The following SYNPO2 variants were observed in gnomAD, a reference collection of about 807,000 sequenced individuals.
The protein encoded by SYNPO2 is synaptopodin 2.
In SYNPO2, 56 loss-of-function variants were observed where a neutral mutation model predicts 85.0. The ratio of observed to expected loss-of-function variants is 0.66; its 90% confidence interval spans 0.53 to 0.82. The LOEUF (loss-of-function observed/expected upper bound fraction) is 0.82, where lower values mean the gene tolerates loss of function less well. Ranked by LOEUF, SYNPO2 falls within the 40% of genes least tolerant of loss-of-function variation. The pLI is 0.00. For missense variants in SYNPO2, 1,575 were observed against 1,534.2 expected (o/e 1.03, Z -0.44); for synonymous variants, 602 against 591.1 (o/e 1.02, Z -0.27).
rs1578655154 is a variant in SYNPO2, at chr4:119,026,650, C to G, written c.281C>G (p.Ala94Gly). 6.2e-7 allele frequency: 1 copy of G among 1,609,138 alleles called. No homozygotes were observed. The highest frequency in any genetic ancestry group is 1.7e-4 in the Middle Eastern group (1 of 6,024). ...AGACCATCCAGTGGAATAAGTGAGG[C>G]TTTGATATCTGAAAATGAAAACAAA... The part of the protein sequence containing the change: ...IKRPSSGISE[A>G]LISENENKNL... Residue 94 changes from alanine to glycine, a missense_variant, in exon 3 of 5, where the codon GCT becomes GGT. Physicochemically the swap from Ala to Gly is moderately conservative, Grantham distance 60. Around this residue, in one of 3 missense-constraint regions of SYNPO2, gnomAD observed 1,508 missense variants for 1,446.8 expected, o/e 1.04. Transcript: ENST00000307142.
intron 4 of SYNPO2, chr4:119,036,960 G>T (rs1473875216): frequency 5.6e-6 from 7 of 1,255,258 alleles, no homozygotes; most frequent in Non-Finnish European, 7.0e-6. Flanking sequence ...ACTCCTACAG[G>T]GTCCTAGAGT....
intron 1 of SYNPO2, among the ~76,000 whole-genome samples, chr4:118,876,192 C>G (rs949948382): frequency 5.3e-5 from 8 of 152,134 alleles, no homozygotes; most frequent in Admixed American, 5.2e-4. Context: ...TTAAATTGTT[C>G]TCTGGTAATA....
chr4:119,046,727 A>G (rs1561026587), intron 4 of SYNPO2, among the ~76,000 whole-genome samples: 1 of 152,230 alleles, frequency 6.6e-6, no homozygotes, highest in Non-Finnish European at 1.5e-5. Flanking sequence ...TAAGGAAAAT[A>G]AGACTGGGAG....
chr4:118,893,445 G>C (rs1464199197), intron 1 of SYNPO2, among the ~76,000 whole-genome samples: 1 of 152,052 alleles, frequency 6.6e-6, no homozygotes, highest in East Asian at 1.9e-4. Flanking sequence ...TAAACAGTAG[G>C]TATGAAAAAA....
At chr4:118,892,504 T>A (rs1481376543) in intron 1 of SYNPO2, among the ~76,000 whole-genome samples, 1 of 152,176 alleles carries the variant, frequency 6.6e-6, no homozygotes, top group Non-Finnish European at 1.5e-5. Flanking sequence ...GCACTTCTTC[T>A]TTATGAAACT....
intron 1 of SYNPO2, among the ~76,000 whole-genome samples, chr4:118,928,473 GA>G (rs35936822): frequency 8.1e-5 from 12 of 147,864 alleles, no homozygotes; most frequent in South Asian, 4.3e-4. Context: ...TCCATGCAAG[GA>G]AAAAAAAAAC....
rs1732265167 is a variant in SYNPO2 at position 118,888,878 on chromosome 4, G to C, written c.-159G>C. On this transcript the variant is annotated 5_prime_UTR_variant, in exon 1 of 5. Coordinates refer to ENST00000307142, the MANE Select transcript of SYNPO2 (RefSeq NM_133477.3). ...CGCACAAATTCGCAGCAGGCGGCTGGGGCGGCGGCTGGGGCAGCGGCTGCA... is the reference window on the plus strand; with the variant it reads ...CGCACAAATTCGCAGCAGGCGGCTGCGGCGGCGGCTGGGGCAGCGGCTGCA... The C allele has an allele frequency of 4.2e-6, 3 of 721,842 alleles. No homozygotes were observed. The African/African-American group carries it at 5.4e-5, about 13-fold the overall frequency. The allele number at this position is 721,842 out of a possible 1,614,324, so 44.7% of individuals were successfully genotyped here.
chr4:119,030,247 G>C lies in SYNPO2; in HGVS notation c.1472G>C (p.Gly491Ala). The C allele has an allele frequency of 6.2e-7, 1 of 1,614,006 alleles. No individual in the cohort carries two copies. The highest frequency in any genetic ancestry group is 8.5e-7 in the Non-Finnish European group (1 of 1,179,974). ...ATGTTACCAGACACCACAGGCAAGG[G>C]AGCCCTCATGTTTGCCAAGAGGAGG... ...MEMLPDTTGK[G>A]ALMFAKRRER... The change falls in exon 4 of 5, where the codon GGA (glycine) becomes GCA (alanine). Residue 491 changes from glycine (G) to alanine (A), a missense_variant. This residue lies in a region of SYNPO2 where 1,508 missense variants were observed against 1,446.8 expected (regional missense o/e 1.04). Transcript: ENST00000307142.
At chr4:118,987,005 A>G (rs1040541647) in intron 1 of SYNPO2, among the ~76,000 whole-genome samples, 2 of 152,172 alleles carry the variant, frequency 1.3e-5, no homozygotes, top group Non-Finnish European at 2.9e-5. Flanking sequence ...CAATAAACCA[A>G]CACAGTTTTG....
chr4:118,864,912 C>T (rs964434427), intron 1 of SYNPO2, among the ~76,000 whole-genome samples: 1 of 152,154 alleles, frequency 6.6e-6, no homozygotes, highest in African/African-American at 2.4e-5. Flanking sequence ...CTGATAGCTA[C>T]ATTATATATA....
chr4:118,991,012 T>A (rs563686088), intron 1 of SYNPO2, among the ~76,000 whole-genome samples: 7 of 152,328 alleles, frequency 4.6e-5, no homozygotes, highest in Admixed American at 2.0e-4. Context: ...AACAGGCCCT[T>A]CCAAGTCAAC....
intron 4 of SYNPO2, among the ~76,000 whole-genome samples, chr4:119,050,409 A>T (rs1407522776): frequency 6.6e-6 from 1 of 152,056 alleles, no homozygotes; most frequent in Non-Finnish European, 1.5e-5. Context: ...CTCTGGTATG[A>T]GACTGCCTGC....
chr4:118,977,148 G>GCT, intron 1 of SYNPO2, among the ~76,000 whole-genome samples: 1 of 152,334 alleles, frequency 6.6e-6, no homozygotes, highest in South Asian at 2.1e-4. Context: ...CCATGGAGGG[G>GCT]GTGGGAGGCT....
intron 1 of SYNPO2, among the ~76,000 whole-genome samples, chr4:118,893,403 T>A (rs1007968986): frequency 6.6e-6 from 1 of 152,176 alleles, no homozygotes; most frequent in East Asian, 1.9e-4. Context: ...AGTGCTTTGC[T>A]AGTATTATCT....
intron 1 of SYNPO2, among the ~76,000 whole-genome samples, chr4:118,965,294 A>G (rs761202496): frequency 1.1e-4 from 16 of 152,008 alleles, no homozygotes; most frequent in South Asian, 2.1e-4. Context: ...CCCCACCCCA[A>G]CCAGGGCCTT....
At chr4:119,049,320 C>A (rs538449140) in intron 4 of SYNPO2, among the ~76,000 whole-genome samples, 25 of 152,258 alleles carry the variant, frequency 1.6e-4, no homozygotes, top group African/African-American at 5.5e-4. Context: ...CTTCACTTTT[C>A]TTGGACCTCC....
intron 1 of SYNPO2, among the ~76,000 whole-genome samples, chr4:118,982,007 A>G (rs1251438025): frequency 6.6e-6 from 1 of 152,184 alleles, no homozygotes; most frequent in Non-Finnish European, 1.5e-5. Context: ...TTGACCAACT[A>G]ATACATAACC....
intron 1 of SYNPO2, among the ~76,000 whole-genome samples, chr4:119,014,771 T>C (rs1578644116): frequency 6.6e-6 from 1 of 152,310 alleles, no homozygotes; most frequent in East Asian, 1.9e-4. Flanking sequence ...TTGAAAGTGA[T>C]CATTTAAACC....
intron 1 of SYNPO2, among the ~76,000 whole-genome samples, chr4:118,910,703 G>T (rs1157922648): frequency 1.3e-5 from 2 of 152,036 alleles, no homozygotes; most frequent in Middle Eastern, 3.4e-3. Context: ...GTGGGTGGAT[G>T]AGTGTGTGTT....
Sources: allele counts gnomAD v4.1 joint callset (sites outside exome capture counted in the v4.1 genomes callset), GRCh38; gene constraint gnomAD v4.1.1; regional missense constraint gnomAD v4.1.1; transcripts MANE v1.5; gene names NCBI Gene and HGNC (gene_info 2026-07-23, HGNC 2026-07-21).